AGAP1: variants seen among roughly 807,000 people sequenced by gnomAD.
AGAP1 encodes the protein ArfGAP with GTPase domain, ankyrin repeat and PH domain 1.
AGAP1 carries 29 observed loss-of-function variants against 105.3 expected under a neutral mutation model. The ratio of observed to expected loss-of-function variants is 0.28; its 90% CI spans 0.21 to 0.38. The LOEUF (loss-of-function observed/expected upper bound fraction) is 0.38, where lower values mean the gene tolerates loss of function less well. Among genes scored for constraint, AGAP1 ranks in the 10% least tolerant of loss-of-function variants. AGAP1 has a pLI of 1.00. For missense variants in AGAP1, 998 were observed against 1,165.1 expected, an observed-to-expected ratio of 0.86 and a Z score of 2.09; for synonymous variants, 509 against 485.9, an observed-to-expected ratio of 1.05 and a Z score of -0.63.
At chr2:235,786,108 C>A (rs547824864) in intron 6 of AGAP1, among the ~76,000 whole-genome samples, 1 of 152,310 alleles carries the variant, frequency 6.6e-6, no homozygotes, top group East Asian at 1.9e-4. Flanking sequence ...GTTCATCTTT[C>A]CCTTCTTTGT....
chr2:235,780,027 G>T (rs912110391), intron 6 of AGAP1, among the ~76,000 whole-genome samples: 9 of 152,148 alleles, frequency 5.9e-5, no homozygotes, highest in Non-Finnish European at 1.3e-4. Flanking sequence ...TGATGAAGCG[G>T]TTCATGCAAG....
At chr2:235,544,302 T>C (rs1284932806) in intron 1 of AGAP1, among the ~76,000 whole-genome samples, 1 of 152,098 alleles carries the variant, frequency 6.6e-6, no homozygotes, top group Admixed American at 6.5e-5. Context: ...TTGGTAAAAT[T>C]GTGCAAGAAA....
intron 6 of AGAP1, 50 bp from the exon 7 acceptor site, chr2:235,797,709 A>T (rs757993181): frequency 6.2e-7 from 1 of 1,612,372 alleles, no homozygotes; most frequent in Admixed American, 1.7e-5. Context: ...TCTGTTCCTG[A>T]ATTTGGAAAT....
At chr2:235,757,867 G>A (rs923485161) in intron 6 of AGAP1, among the ~76,000 whole-genome samples, 3 of 152,154 alleles carry the variant, frequency 2.0e-5, no homozygotes, top group East Asian at 1.9e-4. Flanking sequence ...TAATGAGTCC[G>A]TTTGTGCAAC....
In AGAP1 at chr2:235,830,200, C is replaced by T. The variant is rs1293013276; in HGVS notation, c.1050+22869C>T. ...GAAAAGATGCAGACAAGGTAGGAGT[C>T]GGCTCTGTGTGACTTCCCCATGACA... On this transcript the variant is annotated intron_variant, in intron 9 of 17. Coordinates refer to ENST00000304032, the MANE Select transcript of AGAP1 (RefSeq NM_001037131.3). The surrounding 1 kb of genome is among the most constrained non-coding windows in gnomAD (Gnocchi z 5.5). Among the ~76,000 whole-genome samples, 1 of 152,152 alleles carries T rather than the reference C, an allele frequency of 6.6e-6. No individual in the cohort carries two copies. Among genetic ancestry groups the T allele is most frequent in the Non-Finnish European group, 1.5e-5 (1 of 68,028 alleles).
rs1310069207 is a variant in AGAP1, at chr2:235,740,495, TC to T, written c.311-465del. Among the ~76,000 whole-genome samples, 3 of 152,162 alleles carry T rather than the reference TC, an allele frequency of 2.0e-5. No homozygotes were observed. Among genetic ancestry groups the T allele is most frequent in the African/African-American group, 7.2e-5 (3 of 41,434 alleles). ...CACCATTCTCATGATGTTCTATGTC[TC>T]CCTTTCAAGAACTGGGTTTCTCTTG... On this transcript the variant is annotated intron_variant, in intron 3 of 17. Transcript: ENST00000304032. This position sits in a 1 kb window ranked among gnomAD's most constrained non-coding sequence, Gnocchi z 5.7.
chr2:235,685,564 C>T (rs559993177), intron 1 of AGAP1, among the ~76,000 whole-genome samples: 2 of 152,004 alleles, frequency 1.3e-5, no homozygotes, highest in South Asian at 2.1e-4. Context: ...AGGCCCCTCA[C>T]TGCTCCACGC....
Position 235,831,416 on chromosome 2 carries a change from C to T in AGAP1, c.1050+24085C>T, listed in dbSNP as rs114019845. 2.1e-3 allele frequency among the ~76,000 whole-genome samples: 314 copies of T among 152,170 alleles called. 1 individual carries two copies. The highest frequency in any genetic ancestry group is 7.3e-3 in the African/African-American group (302 of 41,506). On this transcript the variant is annotated intron_variant, in intron 9 of 17. Coordinates refer to ENST00000304032, the MANE Select transcript of AGAP1 (RefSeq NM_001037131.3). The stretch of plus-strand genomic sequence containing the variant: ...GTATAATGAGCTGTATCCACCACTG[C>T]GGTGTATAGGATCATAAGAAACAGT...
chr2:235,645,729 G>A (rs748047685), intron 1 of AGAP1, among the ~76,000 whole-genome samples: 1 of 152,100 alleles, frequency 6.6e-6, no homozygotes, highest in Non-Finnish European at 1.5e-5. Context: ...GAGTGTCCAG[G>A]GGAAGGAGAA....
rs1031248582 is a variant in AGAP1, at chr2:235,733,083, A to G, written c.311-7880A>G. Among the ~76,000 whole-genome samples the G allele has an allele frequency of 1.3e-5, 2 of 152,210 alleles. No homozygotes were observed. Among genetic ancestry groups the G allele is most frequent in the Middle Eastern group, 3.2e-3 (1 of 316 alleles). On this transcript the variant is annotated intron_variant, in intron 3 of 17. Transcript: ENST00000304032. The surrounding 1 kb of genome is among the most constrained non-coding windows in gnomAD (Gnocchi z 5.0). ...AAGAGTCTGCCCTTCTTTAGGGACC[A>G]GGGCTCTGCTCTTCCTGGGAATTTA...
At position 235,930,968 on chromosome 2, in the gene AGAP1, C is replaced by T. The variant is rs1327168918; in HGVS notation, c.1483+45C>T. 1.3e-6 allele frequency: 2 copies of T among 1,597,892 alleles called. No homozygotes were observed. Among genetic ancestry groups the T allele is most frequent in the Non-Finnish European group, 1.7e-6 (2 of 1,171,360 alleles). On this transcript the variant is annotated intron_variant, in intron 12 of 17. Coordinates refer to ENST00000304032, the MANE Select transcript of AGAP1 (RefSeq NM_001037131.3). The surrounding 1 kb of genome is among the most constrained non-coding windows in gnomAD (Gnocchi z 7.9). ...CACGGACCCGCAGCCACCTCAAGGT[C>T]CTTCGTTGTAAGCCAGGGGCTGGAC...
At chr2:235,805,228 C>T (rs954176414) in intron 8 of AGAP1, among the ~76,000 whole-genome samples, 3 of 152,106 alleles carry the variant, frequency 2.0e-5, no homozygotes, top group Non-Finnish European at 2.9e-5. Flanking sequence ...TGAAGTCTTA[C>T]CGAAGTTTCA....
chr2:235,770,311 T>C (rs1340956365), intron 6 of AGAP1, among the ~76,000 whole-genome samples: 3 of 151,964 alleles, frequency 2.0e-5, no homozygotes, highest in African/African-American at 7.3e-5. Context: ...ATTTTTTTTG[T>C]ATTTTTAGTA....
rs1224057210 is a variant in AGAP1 at position 236,027,465 on chromosome 2, C to T, written c.1646-9096C>T. On this transcript the variant is annotated intron_variant, in intron 13 of 17. Transcript: ENST00000304032. The surrounding 1 kb of genome is among the most constrained non-coding windows in gnomAD (Gnocchi z 4.4). ...AGAAGACACAGGGTAGTCCTCCCGC[C>T]GGTGCCCACCTCTGCGCTGAGCATG... Among the ~76,000 whole-genome samples, 4 of 152,130 alleles carry T rather than the reference C, an allele frequency of 2.6e-5. No individual in the cohort carries two copies. Among genetic ancestry groups the T allele is most frequent in the South Asian group, 2.1e-4 (1 of 4,820 alleles).
Position 235,517,452 on chromosome 2 carries a change from C to G in AGAP1, c.163+22603C>G, listed in dbSNP as rs1574742456. Among the ~76,000 whole-genome samples the G allele has an allele frequency of 6.6e-6, 1 of 152,228 alleles. No homozygotes were observed. Among genetic ancestry groups the G allele is most frequent in the East Asian group, 1.9e-4 (1 of 5,182 alleles). ...GCAGGGCTTTGACGACATAGCTGTG[C>G]CCAACGTAGATCTTTATGGTAATTT... is the stretch of plus-strand genomic sequence containing the variant. On this transcript the variant is annotated intron_variant, in intron 1 of 17. Coordinates refer to ENST00000304032, the MANE Select transcript of AGAP1 (RefSeq NM_001037131.3). This position sits in a 1 kb window ranked among gnomAD's most constrained non-coding sequence, Gnocchi z 4.1.
chr2:236,071,586 C>T (rs2125797737), intron 16 of AGAP1, among the ~76,000 whole-genome samples: 1 of 152,340 alleles, frequency 6.6e-6, no homozygotes, highest in South Asian at 2.1e-4. Flanking sequence ...AACAGTTCAG[C>T]CAGTGTTTGT....
rs1230573803 is a variant in AGAP1 at position 235,789,594 on chromosome 2, G to T, written c.674-8165G>T. On this transcript the variant is annotated intron_variant, in intron 6 of 17. Coordinates refer to ENST00000304032, the MANE Select transcript of AGAP1 (RefSeq NM_001037131.3). The surrounding 1 kb of genome is among the most constrained non-coding windows in gnomAD (Gnocchi z 4.2). ...AAGCAAGCTTGGCTTTTTAACCACA[G>T]CCTATTTTAGATTAGAGGGTTGTTT... Among the ~76,000 whole-genome samples, 2 of 151,986 alleles carry T rather than the reference G, an allele frequency of 1.3e-5. No homozygotes were observed. The highest frequency in any genetic ancestry group is 4.8e-5 in the African/African-American group (2 of 41,340).
In AGAP1 at chr2:235,586,922, C is replaced by T. The variant is rs895802850; in HGVS notation, c.163+92073C>T. Among the ~76,000 whole-genome samples the T allele has an allele frequency of 6.6e-6, 1 of 152,164 alleles. No individual in the cohort carries two copies. The highest frequency in any genetic ancestry group is 2.4e-5 in the African/African-American group (1 of 41,434). On this transcript the variant is annotated intron_variant, in intron 1 of 17. Coordinates refer to ENST00000304032, the MANE Select transcript of AGAP1 (RefSeq NM_001037131.3). The surrounding 1 kb of genome is among the most constrained non-coding windows in gnomAD (Gnocchi z 4.2). ...TCAGCATACAGCTTGAATGAACTCA[C>T]GTGTGTAACCAGATCAAGAGGCAGA...
chr2:235,924,582 C>T (rs540787374), intron 11 of AGAP1, among the ~76,000 whole-genome samples: 43 of 152,284 alleles, frequency 2.8e-4, no homozygotes, highest in South Asian at 1.0e-3. Context: ...CCCTAGGTTC[C>T]TGGGTGATGA....
Sources: allele counts gnomAD v4.1 joint callset (sites outside exome capture counted in the v4.1 genomes callset), GRCh38; gene constraint gnomAD v4.1.1; non-coding constraint Gnocchi (gnomAD v3.1); transcripts MANE v1.5; gene names NCBI Gene and HGNC (gene_info 2026-07-23, HGNC 2026-07-21).